The following LOXHD1 variants were observed in gnomAD, a reference collection of about 807,000 sequenced individuals.
LOXHD1 encodes the protein lipoxygenase homology domain-containing protein 1.
Under a neutral mutation model 248.2 loss-of-function variants are expected in LOXHD1, and 205 were observed. The observed-to-expected ratio is 0.83, with a 90% CI of 0.74 to 0.93. The LOEUF (loss-of-function observed/expected upper bound fraction) is 0.93, where lower values mean the gene tolerates loss of function less well. LOXHD1 is among the 40% of genes least tolerant of loss of function. The pLI, the probability that LOXHD1 is intolerant of heterozygous loss-of-function variation, is 0.00. For synonymous variants in LOXHD1, 1,113 were observed against 1,162.8 expected, an observed-to-expected ratio of 0.96 and a Z score of 0.87; for missense variants, 2,930 against 2,971.6, an observed-to-expected ratio of 0.99 and a Z score of 0.33.
At chr18:46,624,543 A>T (rs1450192191) in intron 4 of LOXHD1, among the ~76,000 whole-genome samples, 1 of 151,816 alleles carries the variant, frequency 6.6e-6, no homozygotes, top group Non-Finnish European at 1.5e-5. Context: ...CCCCCATGCT[A>T]CCCCCAAAAG....
intron 21 of LOXHD1, among the ~76,000 whole-genome samples, chr18:46,550,886 G>T (rs1319357385): frequency 6.6e-6 from 1 of 152,132 alleles, no homozygotes; most frequent in Admixed American, 6.5e-5. Context: ...GATGGAAGAG[G>T]TTGCTCAGGG....
In LOXHD1 at chr18:46,546,905, C is replaced by T; in HGVS notation, c.3504G>A (p.Leu1168=). The T allele has an allele frequency of 6.5e-7, 1 of 1,550,354 alleles. No homozygotes were observed. Among genetic ancestry groups the T allele is most frequent in the Non-Finnish European group, 8.7e-7 (1 of 1,145,900 alleles). ...GDNNPLDNLA[L]EQKDKSTTFS... ...TCTAGTTTAGAAAACCTTTCTGCTC[C>T]AGGGCCAGGTTGTCGAGGGGGTTGT... Residue 1168 remains leucine, a synonymous_variant, in exon 22 of 41, where the codon CTG becomes CTA. Transcript: ENST00000642948.
At chr18:46,572,223 C>T in intron 14 of LOXHD1, 61 bp from the exon 15 acceptor site, 2 of 1,432,450 alleles carry the variant, frequency 1.4e-6, no homozygotes, top group South Asian at 1.2e-5. Context: ...ATCAAAGCTT[C>T]ACCCATTCAT....
At chr18:46,537,063 C>T (rs564942979) in intron 26 of LOXHD1, among the ~76,000 whole-genome samples, 2 of 152,178 alleles carry the variant, frequency 1.3e-5, no homozygotes, top group African/African-American at 4.8e-5. Context: ...AGCTGTTGGC[C>T]ATGCTGTTCC....
chr18:46,632,800 G>A (rs1025597315), intron 4 of LOXHD1, among the ~76,000 whole-genome samples: 20 of 152,328 alleles, frequency 1.3e-4, no homozygotes, highest in Middle Eastern at 3.4e-3. Context: ...CCCACTCTTA[G>A]AGTGAGACAA....
chr18:46,599,580 G>C (rs2038305067), intron 8 of LOXHD1, among the ~76,000 whole-genome samples: 2 of 152,018 alleles, frequency 1.3e-5, no homozygotes. Flanking sequence ...AGTCATAAAG[G>C]AAAAGATTGA....
At chr18:46,621,559 A>G (rs780202996) in intron 4 of LOXHD1, among the ~76,000 whole-genome samples, 51 of 152,126 alleles carry the variant, frequency 3.4e-4, no homozygotes, top group Non-Finnish European at 6.0e-4. Flanking sequence ...GTGCCCCCCA[A>G]TTTCCTGTGA....
intron 39 of LOXHD1, among the ~76,000 whole-genome samples, chr18:46,484,526 C>T (rs190613332): frequency 6.6e-6 from 1 of 152,280 alleles, no homozygotes; most frequent in Non-Finnish European, 1.5e-5. Flanking sequence ...GTGCCTTGGT[C>T]CTGGACTCCC....
intron 24 of LOXHD1, among the ~76,000 whole-genome samples, chr18:46,542,309 A>C (rs1331243959): frequency 1.3e-5 from 2 of 152,162 alleles, no homozygotes; most frequent in Non-Finnish European, 2.9e-5. Context: ...GTGTTTACAA[A>C]AGCTTTATAA....
intron 22 of LOXHD1, among the ~76,000 whole-genome samples, chr18:46,546,505 C>CTCCAT (rs59167227): frequency 0.49 from 73,416 of 149,556 alleles, 18,676 homozygotes; most frequent in Non-Finnish European, 0.58. Flanking sequence ...TTCCACTCCA[C>CTCCAT]TCCATTCCAT....
intron 12 of LOXHD1, among the ~76,000 whole-genome samples, chr18:46,587,548 G>A (rs2038084872): frequency 1.3e-5 from 2 of 152,172 alleles, no homozygotes; most frequent in South Asian, 2.1e-4. Flanking sequence ...TGGATGTCCC[G>A]AGCTCCTTCC....
At chr18:46,639,474 G>C in intron 4 of LOXHD1, 142 bp downstream of exon 4, 1 of 981,150 alleles carries the variant, frequency 1.0e-6, no homozygotes, top group Non-Finnish European at 1.5e-6. Flanking sequence ...GCTTCCCCTT[G>C]GCCCTAACCA....
chr18:46,656,897 C>T lies in LOXHD1; in HGVS notation c.130+7G>A. 1 of 1,551,312 alleles carries T rather than the reference C, an allele frequency of 6.4e-7. No homozygotes were observed. The highest frequency in any genetic ancestry group is 8.7e-7 in the Non-Finnish European group (1 of 1,146,734). On this transcript the variant is annotated splice_region_variant and intron_variant, in intron 1 of 40. Transcript: ENST00000642948. ...CCACCCGCCCCCCGCAGGCTGGGAC[C>T]CCGCACCTCTGGCCTTGTAGTACTC...
At chr18:46,509,183 C>G (rs2034787860) in intron 35 of LOXHD1, among the ~76,000 whole-genome samples, 1 of 152,188 alleles carries the variant, frequency 6.6e-6, no homozygotes, top group African/African-American at 2.4e-5. Context: ...CCAAGGCTGG[C>G]TTCAGCCCAA....
rs919004894 is a variant in LOXHD1, at chr18:46,579,736, C to T, written c.1703G>A (p.Gly568Glu). ...GCAGAGATAGACGTTGGCATCGGTCCCAGCACCTTCAAGTTCACCTGTGCA... is the reference window on the plus strand; with the variant it reads ...GCAGAGATAGACGTTGGCATCGGTCTCAGCACCTTCAAGTTCACCTGTGCA... ...TVCTGELEGA[G>E]TDANVYLCLF... Residue 568 changes from glycine to glutamate, a missense_variant, in exon 13 of 41, where the codon GGG becomes GAG. Coordinates refer to ENST00000642948, the MANE Select transcript of LOXHD1 (RefSeq NM_001384474.1). 2.6e-6 allele frequency: 4 copies of T among 1,551,688 alleles called. No individual in the cohort carries two copies. The highest frequency in any genetic ancestry group is 3.5e-6 in the Non-Finnish European group (4 of 1,147,016).
chr18:46,549,103 C>T lies in LOXHD1; in HGVS notation c.3351-2045G>A, dbSNP rs892433470. On this transcript the variant is annotated intron_variant, in intron 21 of 40. Coordinates refer to ENST00000642948, the MANE Select transcript of LOXHD1 (RefSeq NM_001384474.1). ...GGCCTACTGACCCCTGCCTCTTCCT[C>T]CTCCAGGAATACATCCTGGTCAACC... Among the ~76,000 whole-genome samples the T allele has an allele frequency of 2.6e-5, 4 of 152,164 alleles. No homozygotes were observed. The East Asian group carries it at 7.7e-4, about 29-fold the overall frequency.
intron 4 of LOXHD1, among the ~76,000 whole-genome samples, chr18:46,622,331 A>C (rs751118594): frequency 2.0e-4 from 31 of 152,390 alleles, no homozygotes; most frequent in Non-Finnish European, 3.4e-4. Flanking sequence ...TTATTTATGG[A>C]CATTGCCATG....
intron 25 of LOXHD1, among the ~76,000 whole-genome samples, chr18:46,539,846 G>C (rs930154985): frequency 6.6e-6 from 1 of 152,136 alleles, no homozygotes; most frequent in African/African-American, 2.4e-5. Context: ...AGTTCAAGTG[G>C]ATGTCTACTC....
chr18:46,490,267 G>C (rs1270435856), intron 37 of LOXHD1, among the ~76,000 whole-genome samples: 1 of 152,170 alleles, frequency 6.6e-6, no homozygotes, highest in African/African-American at 2.4e-5. Context: ...CAAAAAGATA[G>C]ACACACACTT....
Sources: gnomAD v4.1 joint callset for allele counts (sites outside exome capture counted in the v4.1 genomes callset) on GRCh38, gnomAD v4.1.1 for gene constraint, MANE v1.5 for transcripts, NCBI Gene and HGNC (gene_info 2026-07-23, HGNC 2026-07-21) for gene names.